The following ELMO1 variants were observed in gnomAD, a reference collection of about 807,000 sequenced individuals.
ELMO1 encodes engulfment and cell motility protein 1.
ELMO1 carries 26 observed loss-of-function variants against 98.9 expected under a neutral mutation model. The ratio of observed to expected loss-of-function variants is 0.26; its 90% confidence interval spans 0.19 to 0.36. The LOEUF (loss-of-function observed/expected upper bound fraction) is 0.36. Among genes scored for constraint, ELMO1 ranks in the 10% least tolerant of loss-of-function variants. The pLI is 1.00. For missense variants in ELMO1, 627 were observed against 935.2 expected (o/e 0.67, Z 4.30); for synonymous variants, 346 against 346.0 (o/e 1.00, Z 0.00).
intron 1 of ELMO1, among the ~76,000 whole-genome samples, chr7:37,435,576 T>C (rs1805109933): frequency 6.6e-6 from 1 of 152,346 alleles, no homozygotes. Flanking sequence ...TAAAAACAAA[T>C]CTGAGAATTT....
intron 16 of ELMO1, among the ~76,000 whole-genome samples, chr7:36,920,531 C>T (rs2129074023): frequency 6.6e-6 from 1 of 152,264 alleles, no homozygotes; most frequent in African/African-American, 2.4e-5. Context: ...TCACCCAATA[C>T]ATTAATTTAC....
intron 18 of ELMO1, among the ~76,000 whole-genome samples, chr7:36,884,093 A>G (rs1020328034): frequency 6.6e-6 from 1 of 152,108 alleles, no homozygotes; most frequent in African/African-American, 2.4e-5. Context: ...AGGCAAGGCA[A>G]GTGGATCATC....
At chr7:36,912,416 A>G (rs10488023) in intron 16 of ELMO1, among the ~76,000 whole-genome samples, 16,846 of 152,258 alleles carry the variant, frequency 0.11, 1,195 homozygotes, top group Middle Eastern at 0.17. Flanking sequence ...CAGCACAGTT[A>G]ATTATCTCCA....
chr7:36,882,308 G>T (rs181850083), intron 18 of ELMO1, among the ~76,000 whole-genome samples: 4 of 152,260 alleles, frequency 2.6e-5, no homozygotes, highest in African/African-American at 7.2e-5. Context: ...GAACAAGGTC[G>T]GCTTTCTGCC....
At chr7:37,425,647 G>T (rs573472927) in intron 1 of ELMO1, among the ~76,000 whole-genome samples, 1 of 152,188 alleles carries the variant, frequency 6.6e-6, no homozygotes, top group Non-Finnish European at 1.5e-5. Flanking sequence ...AATCACAAAC[G>T]TCAGATTTCC....
chr7:36,961,085 T>C (rs1431096575), intron 16 of ELMO1, among the ~76,000 whole-genome samples: 1 of 152,158 alleles, frequency 6.6e-6, no homozygotes, highest in Non-Finnish European at 1.5e-5. Flanking sequence ...CTGCAGTTCC[T>C]CCAGTCATTG....
intron 16 of ELMO1, chr7:36,919,283 C>A: frequency 4.3e-6 from 2 of 464,584 alleles, no homozygotes; most frequent in Admixed American, 4.3e-5. Flanking sequence ...ACATTTCCCA[C>A]AGCATATAGC....
chr7:36,936,478 A>G (rs932732823), intron 16 of ELMO1, among the ~76,000 whole-genome samples: 1 of 152,028 alleles, frequency 6.6e-6, no homozygotes, highest in Non-Finnish European at 1.5e-5. Flanking sequence ...TTTTTTAGAG[A>G]TGGGGGTCTC....
intron 5 of ELMO1, among the ~76,000 whole-genome samples, chr7:37,269,136 A>T (rs1313849964): frequency 6.6e-6 from 1 of 152,254 alleles, no homozygotes; most frequent in Non-Finnish European, 1.5e-5. Flanking sequence ...AAGCATATGC[A>T]AGTATATTTT....
At chr7:37,416,382 C>T (rs933350318) in intron 1 of ELMO1, among the ~76,000 whole-genome samples, 1 of 152,192 alleles carries the variant, frequency 6.6e-6, no homozygotes, top group Non-Finnish European at 1.5e-5. Context: ...TCAGGAATCC[C>T]ATTCTCACTG....
intron 13 of ELMO1, among the ~76,000 whole-genome samples, chr7:37,157,838 C>T (rs1401681387): frequency 6.6e-6 from 1 of 152,058 alleles, no homozygotes; most frequent in African/African-American, 2.4e-5. Flanking sequence ...AAAGAGCCTG[C>T]ATGGCCAAGT....
intron 18 of ELMO1, among the ~76,000 whole-genome samples, chr7:36,885,602 TTATGGG>T (rs1804909195): frequency 6.6e-6 from 1 of 152,142 alleles, no homozygotes; most frequent in East Asian, 1.9e-4. Flanking sequence ...TAAATCATCT[TTATGGG>T]GGCAATATAT....
intron 12 of ELMO1, 131 bp from the exon 13 acceptor site, chr7:37,211,648 A>C: frequency 8.1e-7 from 1 of 1,230,964 alleles, no homozygotes; most frequent in Non-Finnish European, 1.1e-6. Context: ...AAACAGATAA[A>C]AGAGAACCAA....
At chr7:36,898,122 C>A (rs1036429865) in intron 16 of ELMO1, among the ~76,000 whole-genome samples, 10 of 152,202 alleles carry the variant, frequency 6.6e-5, no homozygotes, top group Non-Finnish European at 1.3e-4. Context: ...GTCAAACATT[C>A]CTCTGTGCCT....
intron 13 of ELMO1, among the ~76,000 whole-genome samples, chr7:37,144,372 C>A (rs925755231): frequency 6.6e-6 from 1 of 152,006 alleles, no homozygotes; most frequent in African/African-American, 2.4e-5. Context: ...GAATTTCACG[C>A]CAAAACATTT....
chr7:36,878,606 C>T (rs566726429), intron 18 of ELMO1, among the ~76,000 whole-genome samples: 7 of 152,288 alleles, frequency 4.6e-5, no homozygotes, highest in African/African-American at 9.6e-5. Flanking sequence ...GGCTACCACA[C>T]GCACATTAAT....
chr7:37,043,587 T>C (rs577119658), intron 15 of ELMO1, among the ~76,000 whole-genome samples: 10 of 152,314 alleles, frequency 6.6e-5, no homozygotes, highest in Non-Finnish European at 1.5e-4. Flanking sequence ...AATTCTACTA[T>C]GTGTAAATTA....
intron 4 of ELMO1, among the ~76,000 whole-genome samples, chr7:37,312,866 A>G (rs1173139284): frequency 6.6e-6 from 1 of 152,174 alleles, no homozygotes; most frequent in Non-Finnish European, 1.5e-5. Context: ...TGGAACAAAT[A>G]TTTCACAAGC....
At chr7:37,003,837 C>A (rs1047530561) in intron 16 of ELMO1, among the ~76,000 whole-genome samples, 1 of 152,164 alleles carries the variant, frequency 6.6e-6, no homozygotes, top group Non-Finnish European at 1.5e-5. Flanking sequence ...CAAATAGCTT[C>A]TGATCCCACT....
Sources: gnomAD v4.1 joint callset for allele counts (sites outside exome capture counted in the v4.1 genomes callset) on GRCh38, gnomAD v4.1.1 for gene constraint, MANE v1.5 for transcripts, NCBI Gene and HGNC (gene_info 2026-07-23, HGNC 2026-07-21) for gene names.